The following HECW1 variants were observed in gnomAD, a reference collection of about 807,000 sequenced individuals.
HECW1 encodes the protein HECT, C2 and WW domain containing E3 ubiquitin protein ligase 1, also known as E3 ubiquitin-protein ligase HECW1.
Under a neutral mutation model 182.3 loss-of-function variants are expected in HECW1, and 61 were observed. The ratio of observed to expected loss-of-function variants is 0.33; its 90% confidence interval spans 0.27 to 0.41. HECW1 has a LOEUF of 0.41. Ranked by LOEUF, HECW1 falls within the 10% of genes least tolerant of loss-of-function variation. HECW1 has a pLI of 1.00. For missense variants in HECW1, 1,739 were observed against 2,108.9 expected, an observed-to-expected ratio of 0.82 and a Z score of 3.44; for synonymous variants, 859 against 832.6, an observed-to-expected ratio of 1.03 and a Z score of -0.55.
chr7:43,498,409 A>C (rs1052197997), intron 19 of HECW1, among the ~76,000 whole-genome samples: 1 of 152,218 alleles, frequency 6.6e-6, no homozygotes, highest in African/African-American at 2.4e-5. Context: ...AACCTGCCCA[A>C]GGGTACATTA....
At chr7:43,311,579 C>T (rs554590377) in intron 3 of HECW1, 184 bp from the exon 4 acceptor site, 21 of 764,048 alleles carry the variant, frequency 2.7e-5, no homozygotes, top group South Asian at 2.4e-4. Flanking sequence ...TTGCTGTCCC[C>T]GTGTGAACCC....
At chr7:43,429,323 T>TGC (rs2076466381) in intron 8 of HECW1, among the ~76,000 whole-genome samples, 2 of 128,934 alleles carry the variant, frequency 1.6e-5, no homozygotes, top group Non-Finnish European at 3.2e-5. Context: ...TATATATATA[T>TGC]ATATATATAT....
intron 2 of HECW1, among the ~76,000 whole-genome samples, chr7:43,224,315 A>C (rs1392577598): frequency 1.3e-5 from 2 of 152,208 alleles, no homozygotes; most frequent in Non-Finnish European, 1.5e-5. Flanking sequence ...TGCATCTCTA[A>C]GTTCATAGCC....
At chr7:43,205,675 G>A (rs1460183926) in intron 2 of HECW1, among the ~76,000 whole-genome samples, 1 of 152,214 alleles carries the variant, frequency 6.6e-6, no homozygotes, top group Non-Finnish European at 1.5e-5. Flanking sequence ...GCCATGTGCA[G>A]TGGTCTCGTG....
intron 6 of HECW1, among the ~76,000 whole-genome samples, chr7:43,392,676 G>A (rs1189018869): frequency 6.6e-6 from 1 of 152,204 alleles, no homozygotes; most frequent in African/African-American, 2.4e-5. Flanking sequence ...ATATAGGTCA[G>A]CACACATATA....
intron 2 of HECW1, among the ~76,000 whole-genome samples, chr7:43,219,782 T>C (rs564987014): frequency 7.9e-5 from 12 of 152,348 alleles, no homozygotes; most frequent in Middle Eastern, 3.4e-3. Context: ...CAGGGCTGTC[T>C]GCTTGTGGAT....
At chr7:43,132,684 T>C (rs938801473) in intron 2 of HECW1, among the ~76,000 whole-genome samples, 6 of 152,282 alleles carry the variant, frequency 3.9e-5, no homozygotes, top group African/African-American at 1.2e-4. Flanking sequence ...TGAGTGCCTT[T>C]TATGTTATCT....
intron 19 of HECW1, among the ~76,000 whole-genome samples, chr7:43,499,691 C>T (rs1359954230): frequency 6.6e-6 from 1 of 152,026 alleles, no homozygotes; most frequent in Non-Finnish European, 1.5e-5. Context: ...TCTGCTGCAT[C>T]TCTTCAAAAA....
In HECW1 at chr7:43,444,188, G is replaced by C; in HGVS notation, c.1046-30G>C. On this transcript the variant is annotated intron_variant, in intron 10 of 29. Coordinates refer to ENST00000395891, the MANE Select transcript of HECW1 (RefSeq NM_015052.5). The surrounding 1 kb of genome is among the most constrained non-coding windows in gnomAD (Gnocchi z 4.3). Reference sequence around the variant, plus strand: ...AACACCACAATGCTCTCTTCTGGGAGAAATGACATATTTTTCTTCTTACCA... The same window carrying C: ...AACACCACAATGCTCTCTTCTGGGACAAATGACATATTTTTCTTCTTACCA... 2 of 1,572,784 alleles carry C rather than the reference G, an allele frequency of 1.3e-6. No homozygotes were observed. The highest frequency in any genetic ancestry group is 1.7e-6 in the Non-Finnish European group (2 of 1,157,050).
intron 2 of HECW1, chr7:43,194,314 A>AT (rs1178986544): frequency 6.6e-6 from 1 of 152,132 alleles, no homozygotes; most frequent in African/African-American, 2.4e-5. Context: ...CTTAGTAGAC[A>AT]TTTTTTAAAA....
chr7:43,145,125 T>C (rs761916413), intron 2 of HECW1, among the ~76,000 whole-genome samples: 41 of 152,328 alleles, frequency 2.7e-4, no homozygotes, highest in Admixed American at 1.2e-3. Flanking sequence ...TCAACAGAAA[T>C]CATTTTATAC....
At chr7:43,472,516 T>A (rs982014451) in intron 16 of HECW1, among the ~76,000 whole-genome samples, 1 of 152,070 alleles carries the variant, frequency 6.6e-6, no homozygotes, top group Non-Finnish European at 1.5e-5. Flanking sequence ...GTTGCACCAA[T>A]GACTTATAGA....
intron 29 of HECW1, among the ~76,000 whole-genome samples, chr7:43,558,824 A>ATGCTT (rs1290279787): frequency 6.6e-6 from 1 of 152,160 alleles, no homozygotes; most frequent in African/African-American, 2.4e-5. Context: ...GAGCTGTCAA[A>ATGCTT]TGCTTTTAAA....
chr7:43,173,315 G>C (rs1379756733), intron 2 of HECW1, among the ~76,000 whole-genome samples: 1 of 152,226 alleles, frequency 6.6e-6, no homozygotes, highest in African/African-American at 2.4e-5. Flanking sequence ...AGAACGGTTT[G>C]GTTTCCTTGG....
intron 5 of HECW1, among the ~76,000 whole-genome samples, chr7:43,335,182 A>T (rs1038999574): frequency 4.6e-5 from 7 of 152,234 alleles, no homozygotes; most frequent in African/African-American, 1.7e-4. Flanking sequence ...AGAAAAAAGT[A>T]GTCAAAATAA....
At chr7:43,204,967 TAGA>T (rs1211537782) in intron 2 of HECW1, among the ~76,000 whole-genome samples, 2 of 152,122 alleles carry the variant, frequency 1.3e-5, no homozygotes, top group African/African-American at 2.4e-5. Flanking sequence ...TTCTGGGTGG[TAGA>T]AGGTTTCTAT....
chr7:43,424,460 C>T (rs932711408), intron 8 of HECW1, among the ~76,000 whole-genome samples: 2 of 152,104 alleles, frequency 1.3e-5, no homozygotes, highest in African/African-American at 2.4e-5. Flanking sequence ...TCTCCACACA[C>T]ACAAAATTTA....
intron 3 of HECW1, chr7:43,248,883 A>T (rs984786309): frequency 1.3e-5 from 2 of 152,276 alleles, no homozygotes; most frequent in Non-Finnish European, 2.9e-5. Context: ...ATGTGAGGCC[A>T]CAACCTCTAG....
chr7:43,538,884 A>G (rs1385154704), intron 24 of HECW1, among the ~76,000 whole-genome samples: 1 of 152,194 alleles, frequency 6.6e-6, no homozygotes, highest in African/African-American at 2.4e-5. Flanking sequence ...AACAAGCATC[A>G]GTATTTTTAC....
Sources: gnomAD v4.1 joint callset for allele counts (sites outside exome capture counted in the v4.1 genomes callset) on GRCh38, gnomAD v4.1.1 for gene constraint, Gnocchi (gnomAD v3.1) non-coding constraint, MANE v1.5 for transcripts, NCBI Gene and HGNC (gene_info 2026-07-23, HGNC 2026-07-21) for gene names.